CCDC85A: variants seen among roughly 807,000 people sequenced by gnomAD.
The protein encoded by CCDC85A is coiled-coil domain containing 85A, also known as coiled-coil domain-containing protein 85A.
Under a neutral mutation model 50.2 loss-of-function variants are expected in CCDC85A, and 38 were observed. The observed-to-expected ratio is 0.76, with a 90% CI of 0.58 to 0.99. The LOEUF is 0.99. Among genes scored for constraint, CCDC85A ranks in the 50% least tolerant of loss-of-function variants. The pLI, the probability that CCDC85A is intolerant of heterozygous loss-of-function variation, is 0.00. For synonymous variants in CCDC85A, 366 were observed against 301.4 expected (o/e 1.21, Z -2.22); for missense variants, 820 against 742.0 (o/e 1.11, Z -1.22).
chr2:56,187,245 G>A (rs909176099), intron 1 of CCDC85A, among the ~76,000 whole-genome samples: 16 of 152,168 alleles, frequency 1.1e-4, no homozygotes, highest in African/African-American at 3.4e-4. Flanking sequence ...ATTCTCAGTT[G>A]AGAACTATAA....
chr2:56,354,212 C>A (rs1389692143), intron 3 of CCDC85A, among the ~76,000 whole-genome samples: 1 of 152,088 alleles, frequency 6.6e-6, no homozygotes, highest in Non-Finnish European at 1.5e-5. Flanking sequence ...GTAATTTATA[C>A]CCAACAATAG....
At chr2:56,208,976 A>T (rs1040739303) in intron 2 of CCDC85A, among the ~76,000 whole-genome samples, 1 of 152,086 alleles carries the variant, frequency 6.6e-6, no homozygotes, top group South Asian at 2.1e-4. Context: ...GGATATCTTC[A>T]TGTATACTGG....
At chr2:56,299,197 T>G (rs1441840337) in intron 2 of CCDC85A, among the ~76,000 whole-genome samples, 26 of 152,198 alleles carry the variant, frequency 1.7e-4, no homozygotes. Flanking sequence ...CCTGGCCTAG[T>G]GCACTTAGAG....
intron 2 of CCDC85A, among the ~76,000 whole-genome samples, chr2:56,310,798 G>A (rs1024732062): frequency 6.0e-4 from 91 of 152,234 alleles, no homozygotes; most frequent in Non-Finnish European, 4.0e-4. Flanking sequence ...ACAACTGCAC[G>A]TGCTTTTCAG....
intron 3 of CCDC85A, among the ~76,000 whole-genome samples, chr2:56,350,752 C>CTT (rs373522130): frequency 2.6e-4 from 33 of 129,036 alleles, no homozygotes; most frequent in East Asian, 6.7e-4. Flanking sequence ...GAGACCTTTC[C>CTT]TTTTTTTTTT....
At chr2:56,208,615 A>G (rs921371555) in intron 2 of CCDC85A, among the ~76,000 whole-genome samples, 2 of 152,096 alleles carry the variant, frequency 1.3e-5, no homozygotes, top group South Asian at 2.1e-4. Flanking sequence ...AGGGTCAAGA[A>G]ATGTCTTAAA....
chr2:56,270,091 T>G (rs1670633693), intron 2 of CCDC85A, among the ~76,000 whole-genome samples: 1 of 152,080 alleles, frequency 6.6e-6, no homozygotes, highest in African/African-American at 2.4e-5. Flanking sequence ...TTATTAAGAT[T>G]TTGGTGGGTG....
intron 2 of CCDC85A, among the ~76,000 whole-genome samples, chr2:56,194,043 G>A (rs59670863): frequency 0.032 from 4,820 of 152,092 alleles, 249 homozygotes; most frequent in African/African-American, 0.11. Context: ...ACATTTCTTT[G>A]CATCTAAAAC....
chr2:56,201,215 A>T (rs1676734646), intron 2 of CCDC85A, among the ~76,000 whole-genome samples: 1 of 151,906 alleles, frequency 6.6e-6, no homozygotes, highest in African/African-American at 2.4e-5. Flanking sequence ...TTTTTTTTAT[A>T]CCTCCTTCAC....
intron 2 of CCDC85A, among the ~76,000 whole-genome samples, chr2:56,277,831 C>G (rs184991937): frequency 3.9e-5 from 6 of 152,194 alleles, no homozygotes; most frequent in Admixed American, 3.9e-4. Context: ...ACTTACCTCC[C>G]CTAGGTTCTA....
chr2:56,279,351 C>T (rs1314136131), intron 2 of CCDC85A, among the ~76,000 whole-genome samples: 1 of 152,134 alleles, frequency 6.6e-6, no homozygotes, highest in Non-Finnish European at 1.5e-5. Flanking sequence ...ACAACCACCA[C>T]ACAATTTTAA....
intron 3 of CCDC85A, among the ~76,000 whole-genome samples, chr2:56,353,613 T>A (rs1336225432): frequency 6.6e-6 from 1 of 152,214 alleles, no homozygotes; most frequent in African/African-American, 2.4e-5. Flanking sequence ...TGGTTGTATC[T>A]AGTTGGTGGA....
chr2:56,359,006 G>A (rs937410235), intron 3 of CCDC85A, among the ~76,000 whole-genome samples: 1 of 146,170 alleles, frequency 6.8e-6, no homozygotes, highest in Non-Finnish European at 1.5e-5. Flanking sequence ...GTTTCACTGT[G>A]TTGGCCAGGC....
At chr2:56,346,489 G>T (rs897755108) in intron 3 of CCDC85A, among the ~76,000 whole-genome samples, 1 of 152,172 alleles carries the variant, frequency 6.6e-6, no homozygotes, top group Non-Finnish European at 1.5e-5. Context: ...TGCTGATGGA[G>T]CCTCTGTACA....
chr2:56,366,150 T>C (rs1464254113), intron 3 of CCDC85A, among the ~76,000 whole-genome samples: 1 of 152,194 alleles, frequency 6.6e-6, no homozygotes, highest in Non-Finnish European at 1.5e-5. Flanking sequence ...TTTTCTTTAT[T>C]CATCCATTCA....
chr2:56,304,950 A>C (rs575213393), intron 2 of CCDC85A, among the ~76,000 whole-genome samples: 20 of 144,668 alleles, frequency 1.4e-4, no homozygotes, highest in South Asian at 8.3e-4. Context: ...AAACAAAAAA[A>C]AAAAAACCTG....
At chr2:56,288,977 A>G (rs1470504870) in intron 2 of CCDC85A, among the ~76,000 whole-genome samples, 2 of 152,200 alleles carry the variant, frequency 1.3e-5, no homozygotes, top group African/African-American at 4.8e-5. Context: ...TTTCACTAAC[A>G]TGGCAGTAAG....
intron 2 of CCDC85A, among the ~76,000 whole-genome samples, chr2:56,209,052 A>G (rs1056026246): frequency 2.0e-4 from 30 of 152,064 alleles, no homozygotes; most frequent in Non-Finnish European, 5.9e-5. Flanking sequence ...CATGGTGTCA[A>G]ATCTGGCCAT....
In CCDC85A at chr2:56,323,689, A is replaced by G. The variant is rs560853388; in HGVS notation, c.1241-19190A>G. ...AAGTAGTTTTCTAAACCTCTATACA[A>G]AAGGCTGATTGACTGTTACTAGAAC... On this transcript the variant is annotated intron_variant, in intron 2 of 5. Transcript: ENST00000407595. 1.5e-3 allele frequency among the ~76,000 whole-genome samples: 232 copies of G among 152,202 alleles called. 1 individual carries two copies. The highest frequency in any genetic ancestry group is 5.3e-3 in the African/African-American group (220 of 41,558).
Sources: gnomAD v4.1 joint callset for allele counts (sites outside exome capture counted in the v4.1 genomes callset) on GRCh38, gnomAD v4.1.1 for gene constraint, MANE v1.5 for transcripts, NCBI Gene and HGNC (gene_info 2026-07-23, HGNC 2026-07-21) for gene names.